The following DENND1B variants were observed in gnomAD, a reference collection of about 807,000 sequenced individuals.
DENND1B encodes DENN domain-containing protein 1B.
DENND1B carries 59 observed loss-of-function variants against 90.1 expected under a neutral mutation model. The ratio of observed to expected loss-of-function variants is 0.65; its 90% CI spans 0.53 to 0.81. The LOEUF (loss-of-function observed/expected upper bound fraction) is 0.81. DENND1B is among the 40% of genes least tolerant of loss of function. The pLI is 0.00. For synonymous variants in DENND1B, 337 were observed against 324.6 expected (o/e 1.04, Z -0.41); for missense variants, 862 against 912.6 (o/e 0.94, Z 0.71).
At chr1:197,654,596 C>T (rs1303545297) in intron 6 of DENND1B, among the ~76,000 whole-genome samples, 1 of 150,472 alleles carries the variant, frequency 6.6e-6, no homozygotes, top group African/African-American at 2.5e-5. Flanking sequence ...GGCGACAGAG[C>T]GTGACTCCGT....
intron 10 of DENND1B, among the ~76,000 whole-genome samples, chr1:197,619,985 A>T (rs912877525): frequency 6.6e-6 from 1 of 151,246 alleles, no homozygotes; most frequent in Non-Finnish European, 1.5e-5. Context: ...CTCCTTCCCA[A>T]CCACAGTTCT....
At chr1:197,596,100 A>G (rs536691111) in intron 13 of DENND1B, among the ~76,000 whole-genome samples, 2 of 152,162 alleles carry the variant, frequency 1.3e-5, no homozygotes, top group African/African-American at 4.8e-5. Context: ...TCATTGCCTC[A>G]TGAACCGGTA....
intron 15 of DENND1B, among the ~76,000 whole-genome samples, chr1:197,556,192 G>A (rs992412035): frequency 6.6e-6 from 1 of 152,028 alleles, no homozygotes; most frequent in African/African-American, 2.4e-5. Context: ...AAACACTGGA[G>A]AGTCCAAATT....
At chr1:197,642,925 T>TATTTAAA (rs1680394356) in intron 9 of DENND1B, 104 bp from the exon 10 acceptor site, 1 of 679,918 alleles carries the variant, frequency 1.5e-6, no homozygotes. Context: ...AGGGTATTAT[T>TATTTAAA]ATTTAAAATG....
chr1:197,555,984 A>C (rs1671683508), intron 15 of DENND1B, among the ~76,000 whole-genome samples: 1 of 152,182 alleles, frequency 6.6e-6, no homozygotes, highest in Non-Finnish European at 1.5e-5. Context: ...CTGGATAAAG[A>C]AAATGTGGTA....
chr1:197,566,992 C>T (rs188025709), intron 15 of DENND1B, among the ~76,000 whole-genome samples: 1 of 151,748 alleles, frequency 6.6e-6, no homozygotes. Flanking sequence ...TAAATAAAGA[C>T]AGAAATAGTG....
intron 5 of DENND1B, among the ~76,000 whole-genome samples, chr1:197,667,800 C>T (rs1489335217): frequency 6.6e-6 from 1 of 151,918 alleles, no homozygotes; most frequent in African/African-American, 2.4e-5. Flanking sequence ...ATCCTGCAAA[C>T]ACGCACATAT....
chr1:197,631,202 G>A (rs529919561), intron 10 of DENND1B, among the ~76,000 whole-genome samples: 4 of 152,150 alleles, frequency 2.6e-5, no homozygotes, highest in African/African-American at 9.6e-5. Context: ...CTACATTCTG[G>A]AGGATGAAGG....
chr1:197,552,219 CTA>C, intron 16 of DENND1B: 1 of 983,152 alleles, frequency 1.0e-6, no homozygotes, highest in Non-Finnish European at 1.2e-6. Flanking sequence ...TAAAAAATTG[CTA>C]TTATACCAGG....
At chr1:197,522,036 A>G (rs1191239122) in intron 20 of DENND1B, among the ~76,000 whole-genome samples, 1 of 152,018 alleles carries the variant, frequency 6.6e-6, no homozygotes, top group Non-Finnish European at 1.5e-5. Flanking sequence ...AGAGAGACCC[A>G]GAAGAAATAA....
intron 3 of DENND1B, among the ~76,000 whole-genome samples, chr1:197,678,885 G>C (rs1284009830): frequency 1.3e-5 from 2 of 152,046 alleles, no homozygotes; most frequent in Non-Finnish European, 2.9e-5. Context: ...GGGCCAAAAA[G>C]GAACTGTCAG....
chr1:197,644,120 C>A (rs1358505136), intron 9 of DENND1B, among the ~76,000 whole-genome samples: 1 of 152,132 alleles, frequency 6.6e-6, no homozygotes, highest in Non-Finnish European at 1.5e-5. Flanking sequence ...AGGTTTATTT[C>A]GTGCTTTCTC....
intron 11 of DENND1B, among the ~76,000 whole-genome samples, chr1:197,612,560 T>C (rs1421958666): frequency 6.6e-6 from 1 of 150,688 alleles, no homozygotes; most frequent in Non-Finnish European, 1.5e-5. Context: ...CCTCACCTAC[T>C]GTGCTATCTT....
intron 2 of DENND1B, chr1:197,734,318 T>C: frequency 1.0e-6 from 1 of 953,174 alleles, no homozygotes; most frequent in Non-Finnish European, 1.2e-6. Flanking sequence ...AATTCAGTCA[T>C]ATGATGGTAG....
chr1:197,715,803 G>A (rs777739121), intron 2 of DENND1B, among the ~76,000 whole-genome samples: 1 of 151,562 alleles, frequency 6.6e-6, no homozygotes, highest in Non-Finnish European at 1.5e-5. Flanking sequence ...ACACTAAAAT[G>A]CTAAGATCTT....
intron 19 of DENND1B, among the ~76,000 whole-genome samples, chr1:197,540,492 A>G (rs1395321196): frequency 6.6e-6 from 1 of 152,112 alleles, no homozygotes; most frequent in East Asian, 1.9e-4. Flanking sequence ...ACATATTTAC[A>G]TATCTGCAAT....
intron 10 of DENND1B, among the ~76,000 whole-genome samples, chr1:197,629,240 C>T (rs1397572595): frequency 2.0e-5 from 3 of 151,698 alleles, no homozygotes; most frequent in Admixed American, 6.6e-5. Context: ...ATGTTTATTG[C>T]GGCACTATTC....
chr1:197,755,257 A>C (rs1185124522), intron 2 of DENND1B, among the ~76,000 whole-genome samples: 2 of 152,194 alleles, frequency 1.3e-5, no homozygotes, highest in Non-Finnish European at 2.9e-5. Context: ...CAGTTTCCTC[A>C]AACATAAAAT....
At chr1:197,730,827 T>A (rs531257094) in intron 2 of DENND1B, among the ~76,000 whole-genome samples, 1 of 152,158 alleles carries the variant, frequency 6.6e-6, no homozygotes, top group East Asian at 1.9e-4. Flanking sequence ...TTTAAAAAAA[T>A]AAGTTAGACA....
Sources: allele counts gnomAD v4.1 joint callset (sites outside exome capture counted in the v4.1 genomes callset), GRCh38; gene constraint gnomAD v4.1.1; transcripts MANE v1.5; gene names NCBI Gene and HGNC (gene_info 2026-07-23, HGNC 2026-07-21).